Variants in TAF2 observed in about 807,000 individuals in gnomAD.
The protein encoded by TAF2 is TATA-box binding protein associated factor 2, also known as transcription initiation factor TFIID subunit 2.
In TAF2, 61 loss-of-function variants were observed where a neutral mutation model predicts 138.5. That is an observed-to-expected ratio of 0.44 (90% CI 0.36 to 0.54). The LOEUF (loss-of-function observed/expected upper bound fraction) is 0.54, where lower values mean the gene tolerates loss of function less well. Ranked by LOEUF, TAF2 falls within the 20% of genes least tolerant of loss-of-function variation. TAF2 has a pLI of 0.00. For synonymous variants in TAF2, 475 were observed against 469.9 expected (o/e 1.01, Z -0.14); for missense variants, 1,090 against 1,427.9 (o/e 0.76, Z 3.81).
intron 2 of TAF2, among the ~76,000 whole-genome samples, chr8:119,821,547 G>A (rs1347739920): frequency 6.6e-6 from 1 of 152,128 alleles, no homozygotes; most frequent in Non-Finnish European, 1.5e-5. Flanking sequence ...TCACTTATAG[G>A]ATTTTATTTA....
chr8:119,762,139 G>A (rs1821106988), intron 19 of TAF2, among the ~76,000 whole-genome samples: 3 of 152,096 alleles, frequency 2.0e-5, no homozygotes, highest in South Asian at 4.1e-4. Context: ...TGCTTATGAA[G>A]AATTTGTGAT....
chr8:119,785,737 G>A (rs931206858), intron 14 of TAF2, among the ~76,000 whole-genome samples: 4 of 152,042 alleles, frequency 2.6e-5, no homozygotes, highest in African/African-American at 4.8e-5. Flanking sequence ...CAATTAATAC[G>A]CACAAGGTTC....
At chr8:119,804,064 T>C (rs1586486919) in intron 4 of TAF2, 45 bp from the exon 5 acceptor site, 2 of 1,605,606 alleles carry the variant, frequency 1.2e-6, no homozygotes, top group Non-Finnish European at 1.7e-6. Context: ...TAAGTTACAG[T>C]GGTCTATATA....
In TAF2 at chr8:119,731,837, C is replaced by A; in HGVS notation, c.*87G>T. On this transcript the variant is annotated 3_prime_UTR_variant, in exon 26 of 26. Transcript: ENST00000378164. ...GTAGGAGAGGCGAATCCTTTCCCCC[C>A]TCCCTTTTATAATTCTTCACAGAGG... 1 of 1,334,680 alleles carries A rather than the reference C, an allele frequency of 7.5e-7. No homozygotes were observed. The allele number at this position is 1,334,680 out of a possible 1,614,324, so 82.7% of individuals were successfully genotyped here. A position where few individuals can be genotyped will look rare whatever the true frequency, so the allele number is the denominator to read the frequency against.
intron 18 of TAF2, among the ~76,000 whole-genome samples, chr8:119,773,117 CCTTT>C (rs1315449121): frequency 1.3e-5 from 2 of 149,466 alleles, no homozygotes; most frequent in Non-Finnish European, 3.0e-5. Context: ...CCTATGGTTA[CCTTT>C]CTTTAAAATT....
chr8:119,788,913 T>G lies in TAF2; in HGVS notation c.1569-9A>C. The G allele has an allele frequency of 6.4e-7, 1 of 1,556,724 alleles. No homozygotes were observed. The highest frequency in any genetic ancestry group is 1.1e-5 in the South Asian group (1 of 89,988). ...CCACTCCACTCTGATCTCTGAAGAA[T>G]TGTAAAGGAAAGTTTACATACTGAA... On this transcript the variant is annotated splice_polypyrimidine_tract_variant and intron_variant, in intron 12 of 25. Transcript: ENST00000378164.
chr8:119,738,129 C>T (rs1819355313), intron 25 of TAF2, among the ~76,000 whole-genome samples: 1 of 151,274 alleles, frequency 6.6e-6, no homozygotes, highest in African/African-American at 2.4e-5. Context: ...TATTTATTCT[C>T]TCTAGAGAAT....
chr8:119,808,477 C>A (rs1824818082), intron 3 of TAF2, among the ~76,000 whole-genome samples: 1 of 152,146 alleles, frequency 6.6e-6, no homozygotes. Flanking sequence ...TCTTCCAAAC[C>A]CTTGTTCATG....
chr8:119,823,649 C>T (rs1212383350), intron 2 of TAF2, among the ~76,000 whole-genome samples: 1 of 152,084 alleles, frequency 6.6e-6, no homozygotes, highest in Non-Finnish European at 1.5e-5. Flanking sequence ...TGAAAATGAA[C>T]TAATACAGTA....
At chr8:119,823,369 C>G (rs1339769579) in intron 2 of TAF2, among the ~76,000 whole-genome samples, 1 of 152,128 alleles carries the variant, frequency 6.6e-6, no homozygotes, top group East Asian at 1.9e-4. Context: ...TGTGGGAGAC[C>G]TGGTGGAAGG....
chr8:119,736,560 A>C (rs2130974656), intron 25 of TAF2, among the ~76,000 whole-genome samples: 1 of 152,348 alleles, frequency 6.6e-6, no homozygotes, highest in Middle Eastern at 3.4e-3. Flanking sequence ...AAAATTATTA[A>C]ATACATAGAA....
chr8:119,760,982 T>A (rs571840344), intron 19 of TAF2, among the ~76,000 whole-genome samples: 1 of 152,348 alleles, frequency 6.6e-6, no homozygotes, highest in Admixed American at 6.5e-5. Flanking sequence ...ATATTTTTAA[T>A]ATGTTTAGTG....
intron 25 of TAF2, among the ~76,000 whole-genome samples, chr8:119,739,248 T>G (rs187686009): frequency 1.3e-5 from 2 of 152,242 alleles, no homozygotes; most frequent in African/African-American, 4.8e-5. Context: ...CCTCAAGCTC[T>G]GCAGTAACAG....
chr8:119,737,872 A>G (rs1355043176), intron 25 of TAF2, among the ~76,000 whole-genome samples: 1 of 152,010 alleles, frequency 6.6e-6, no homozygotes, highest in African/African-American at 2.4e-5. Flanking sequence ...TTACATGCCT[A>G]TATTCCTTTA....
chr8:119,761,821 C>T (rs1003907829), intron 19 of TAF2: 1 of 147,236 alleles, frequency 6.8e-6, no homozygotes. Context: ...AAAAAGAAAA[C>T]AAATCCCAAA....
At chr8:119,816,189 T>C (rs907879711) in intron 3 of TAF2, among the ~76,000 whole-genome samples, 11 of 151,818 alleles carry the variant, frequency 7.2e-5, no homozygotes, top group Non-Finnish European at 7.4e-5. Context: ...TAGCTGGGAC[T>C]ACAGGCACCC....
chr8:119,772,513 C>T (rs1223848638), intron 18 of TAF2, among the ~76,000 whole-genome samples: 1 of 152,134 alleles, frequency 6.6e-6, no homozygotes, highest in Non-Finnish European at 1.5e-5. Flanking sequence ...GGTTACTACT[C>T]GGGTAATGGG....
Position 119,731,642 on chromosome 8 carries a change from G to A in TAF2, c.*282C>T. 1 of 442,420 alleles carries A rather than the reference G, an allele frequency of 2.3e-6. No homozygotes were observed. The highest frequency in any genetic ancestry group is 4.2e-6 in the Non-Finnish European group (1 of 239,472). The allele number at this position is 442,420 out of a possible 1,614,324, so 27.4% of individuals were successfully genotyped here. A position where few individuals can be genotyped will look rare whatever the true frequency, so the allele number is the denominator to read the frequency against. ...CATGATGCGAACGGGGACTGCCAGT[G>A]GATATGAGGGCTTTTATGAAAGGGA... On this transcript the variant is annotated 3_prime_UTR_variant, in exon 26 of 26. Transcript: ENST00000378164.
Position 119,778,095 on chromosome 8 carries a change from A to G in TAF2, c.2288T>C (p.Val763Ala), listed in dbSNP as rs1190595799. ...GACTTCTTTAGGACAAAGATTATGAACATCTCTTAATAAAGCCATTGCAAC... is the reference window on the plus strand; with the variant it reads ...GACTTCTTTAGGACAAAGATTATGAGCATCTCTTAATAAAGCCATTGCAAC... ...MPVAMALLRD[V>A]HNLCPKEVLT... is the part of the protein sequence containing the mutation. Residue 763 changes from valine (V) to alanine (A), a missense_variant, in exon 18 of 26, where the codon GTT (valine) becomes GCT (alanine). Coordinates refer to ENST00000378164, the MANE Select transcript of TAF2 (RefSeq NM_003184.4). The G allele has an allele frequency of 6.2e-7, 1 of 1,602,638 alleles. No individual in the cohort carries two copies. Among genetic ancestry groups the G allele is most frequent in the South Asian group, 1.1e-5 (1 of 90,338 alleles).
Sources: allele counts gnomAD v4.1 joint callset (sites outside exome capture counted in the v4.1 genomes callset), GRCh38; gene constraint gnomAD v4.1.1; transcripts MANE v1.5; gene names NCBI Gene and HGNC (gene_info 2026-07-23, HGNC 2026-07-21).